Variants in TMEM178B observed in about 807,000 individuals in gnomAD.
TMEM178B encodes the protein transmembrane protein 178B.
In TMEM178B, 5 loss-of-function variants were observed where a neutral mutation model predicts 31.0. That is an observed-to-expected ratio of 0.16 (90% confidence interval 0.08 to 0.34). TMEM178B has a LOEUF of 0.34. TMEM178B is among the 10% of genes least tolerant of loss of function. TMEM178B has a pLI of 1.00. For synonymous variants in TMEM178B, 164 were observed against 164.0 expected, an observed-to-expected ratio of 1.00 and a Z score of 0.00; for missense variants, 275 against 400.3, an observed-to-expected ratio of 0.69 and a Z score of 2.67.
At chr7:141,162,704 G>A (rs1164229227) in intron 1 of TMEM178B, among the ~76,000 whole-genome samples, 1 of 152,182 alleles carries the variant, frequency 6.6e-6, no homozygotes, top group East Asian at 1.9e-4. Flanking sequence ...GATGGGGTCT[G>A]GTATAAATGG....
chr7:141,130,714 A>AATG (rs1245110087), intron 1 of TMEM178B, among the ~76,000 whole-genome samples: 3 of 152,168 alleles, frequency 2.0e-5, no homozygotes, highest in African/African-American at 7.2e-5. Context: ...GGGAAATAAT[A>AATG]ATGATAATAA....
chr7:141,465,111 A>T (rs1427165670), intron 3 of TMEM178B, among the ~76,000 whole-genome samples: 3 of 152,222 alleles, frequency 2.0e-5, no homozygotes, highest in Non-Finnish European at 4.4e-5. Flanking sequence ...ATGAAGACTT[A>T]GCCCCAGAGG....
At chr7:141,413,057 A>G (rs370168631) in intron 2 of TMEM178B, among the ~76,000 whole-genome samples, 2 of 152,158 alleles carry the variant, frequency 1.3e-5, no homozygotes, top group African/African-American at 4.8e-5. Flanking sequence ...CCTCAGTGTC[A>G]TTTTGATCTT....
At chr7:141,349,857 C>T (rs1045224778) in intron 2 of TMEM178B, among the ~76,000 whole-genome samples, 1 of 152,100 alleles carries the variant, frequency 6.6e-6, no homozygotes, top group Non-Finnish European at 1.5e-5. Flanking sequence ...TCAGGGTAAG[C>T]CTCATGGAGA....
At chr7:141,508,040 C>G in the TMEM178B span, among the ~76,000 whole-genome samples, 1 of 152,194 alleles carries the variant, frequency 6.6e-6, no homozygotes, top group Non-Finnish European at 1.5e-5. Flanking sequence ...ATGGGTTTTC[C>G]TTTTTTATCA....
chr7:141,507,653 G>A, the TMEM178B span, among the ~76,000 whole-genome samples: 2 of 152,360 alleles, frequency 1.3e-5, no homozygotes, highest in South Asian at 4.1e-4. Flanking sequence ...TTACAGGCAT[G>A]CGCCACCGCG....
At chr7:141,091,208 C>T (rs1049736572) in intron 1 of TMEM178B, among the ~76,000 whole-genome samples, 13 of 152,080 alleles carry the variant, frequency 8.5e-5, no homozygotes, top group African/African-American at 2.9e-4. Context: ...CAGTAATAAC[C>T]ATTGGGTAGG....
rs531885891 is a variant in TMEM178B, at chr7:141,461,339, T to A, written c.635-9197T>A. 6.6e-6 allele frequency among the ~76,000 whole-genome samples: 1 copy of A among 152,154 alleles called. No homozygotes were observed. The highest frequency in any genetic ancestry group is 6.5e-5 in the Admixed American group (1 of 15,278). On this transcript the variant is annotated intron_variant, in intron 3 of 3. Transcript: ENST00000565468. The surrounding 1 kb of genome is among the most constrained non-coding windows in gnomAD (Gnocchi z 4.0). ...ATAGCAACAAGAGAGGAAGCCAGGA[T>A]TGGGGATCCGCAGACACCGTTCCAC... is the stretch of plus-strand genomic sequence containing the variant.
intron 3 of TMEM178B, among the ~76,000 whole-genome samples, chr7:141,450,462 G>C (rs1449066720): frequency 6.6e-6 from 1 of 152,172 alleles, no homozygotes; most frequent in Non-Finnish European, 1.5e-5. Context: ...TTCTTTTTCA[G>C]GACTGAAACC....
intron 2 of TMEM178B, among the ~76,000 whole-genome samples, chr7:141,360,639 C>T (rs1799900953): frequency 1.3e-5 from 2 of 152,228 alleles, no homozygotes; most frequent in African/African-American, 4.8e-5. Flanking sequence ...CTCACTAACT[C>T]TGTAGGAATC....
chr7:141,161,178 A>G (rs1279770750), intron 1 of TMEM178B, among the ~76,000 whole-genome samples: 1 of 152,182 alleles, frequency 6.6e-6, no homozygotes, highest in Non-Finnish European at 1.5e-5. Context: ...TGCTCAAAGC[A>G]TGAAGGAAGG....
intron 2 of TMEM178B, among the ~76,000 whole-genome samples, chr7:141,405,895 T>C (rs1800877213): frequency 1.3e-5 from 2 of 152,178 alleles, no homozygotes; most frequent in Admixed American, 1.3e-4. Flanking sequence ...TTTTAATGGA[T>C]GTGTCAGGGC....
At position 141,344,627 on chromosome 7, in the gene TMEM178B, CCTCCCTT is replaced by C. The variant is rs1799586666; in HGVS notation, c.497-92979_497-92973del. On this transcript the variant is annotated intron_variant, in intron 2 of 3. Transcript: ENST00000565468. The surrounding 1 kb of genome is among the most constrained non-coding windows in gnomAD (Gnocchi z 4.1). ...TCCTTCCTTCCTTCCTTCCTTCCTT[CCTCCCTT>C]CCTTCTTCCCTTCATCAAAAGACCT... 6.7e-6 allele frequency among the ~76,000 whole-genome samples: 1 copy of C among 148,916 alleles called. No homozygotes were observed. The highest frequency in any genetic ancestry group is 2.5e-5 in the African/African-American group (1 of 39,392).
At chr7:141,431,147 G>A (rs149134302) in intron 2 of TMEM178B, 1 of 149,280 alleles carries the variant, frequency 6.7e-6, no homozygotes, top group Non-Finnish European at 1.5e-5. Flanking sequence ...AAGGTCTAAC[G>A]CATACTTACC....
At chr7:141,250,848 A>G (rs1797820277) in intron 2 of TMEM178B, among the ~76,000 whole-genome samples, 1 of 152,268 alleles carries the variant, frequency 6.6e-6, no homozygotes, top group South Asian at 2.1e-4. Context: ...ACAGGATCAA[A>G]TGGGTCTAAT....
At position 141,384,360 on chromosome 7, in the gene TMEM178B, T is replaced by A. The variant is rs576763215; in HGVS notation, c.497-53248T>A. Among the ~76,000 whole-genome samples, 25 of 152,352 alleles carry A rather than the reference T, an allele frequency of 1.6e-4. No homozygotes were observed. The South Asian group carries it at 5.0e-3, about 30-fold the overall frequency. On this transcript the variant is annotated intron_variant, in intron 2 of 3. Transcript: ENST00000565468. ...GGTTTTTATGGTTTTAGGTCTAACA[T>A]TTAAGTCTTTAATCCATCTTGAATT... is the stretch of plus-strand genomic sequence containing the variant.
chr7:141,101,032 A>G (rs1426427915), intron 1 of TMEM178B, among the ~76,000 whole-genome samples: 1 of 152,164 alleles, frequency 6.6e-6, no homozygotes, highest in Non-Finnish European at 1.5e-5. Flanking sequence ...AAGCTATTAC[A>G]CCACTCCCTG....
At chr7:141,117,948 C>A (rs1013508334) in intron 1 of TMEM178B, among the ~76,000 whole-genome samples, 1 of 152,088 alleles carries the variant, frequency 6.6e-6, no homozygotes, top group Admixed American at 6.6e-5. Context: ...TAGCATGATG[C>A]CTGAACTTGG....
At chr7:141,183,610 C>G (rs1358930386) in intron 1 of TMEM178B, among the ~76,000 whole-genome samples, 1 of 152,106 alleles carries the variant, frequency 6.6e-6, no homozygotes, top group African/African-American at 2.4e-5. Context: ...TTAGACTTGC[C>G]TTCTCTCCTC....
Sources: gnomAD v4.1 joint callset for allele counts (sites outside exome capture counted in the v4.1 genomes callset) on GRCh38, gnomAD v4.1.1 for gene constraint, Gnocchi (gnomAD v3.1) non-coding constraint, MANE v1.5 for transcripts, NCBI Gene and HGNC (gene_info 2026-07-23, HGNC 2026-07-21) for gene names.